Variants in MAPK10 observed in about 807,000 individuals in gnomAD.
MAPK10 encodes JNK3 alpha protein kinase.
In MAPK10, 25 loss-of-function variants were observed where a neutral mutation model predicts 59.3. The observed-to-expected ratio is 0.42, with a 90% CI of 0.31 to 0.59. The LOEUF is 0.59. Among genes scored for constraint, MAPK10 ranks in the 20% least tolerant of loss-of-function variants. The pLI, the probability that MAPK10 is intolerant of heterozygous loss-of-function variation, is 0.15. For synonymous variants in MAPK10, 190 were observed against 200.5 expected (o/e 0.95, Z 0.44); for missense variants, 351 against 568.9 (o/e 0.62, Z 3.90).
intron 1 of MAPK10, among the ~76,000 whole-genome samples, chr4:86,588,849 T>C (rs1360760961): frequency 6.6e-6 from 1 of 152,188 alleles, no homozygotes; most frequent in Non-Finnish European, 1.5e-5. Context: ...ACTCAAATGC[T>C]CTAAATAAAT....
intron 1 of MAPK10, among the ~76,000 whole-genome samples, chr4:86,490,547 A>G (rs1389008633): frequency 6.6e-6 from 1 of 152,214 alleles, no homozygotes; most frequent in Non-Finnish European, 1.5e-5. Flanking sequence ...AACAAAAACA[A>G]AAACTCCCTT....
intron 1 of MAPK10, among the ~76,000 whole-genome samples, chr4:86,447,324 C>T (rs1750164948): frequency 1.3e-5 from 2 of 152,128 alleles, no homozygotes; most frequent in Non-Finnish European, 2.9e-5. Context: ...CTTCACCTTC[C>T]ACCATGATTG....
chr4:86,103,247 G>A lies in MAPK10; in HGVS notation c.367-3C>T. On this transcript the variant is annotated splice_polypyrimidine_tract_variant and splice_region_variant and intron_variant, in intron 5 of 13. Coordinates refer to ENST00000641462, the MANE Select transcript of MAPK10 (RefSeq NM_138982.4). ...AAGACATTTAATAAACTAATAATCT[G>A]AAAGAGAGTGGAAGGGACAGAGGAA... 1 of 1,435,838 alleles carries A rather than the reference G, an allele frequency of 7.0e-7. No homozygotes were observed. The highest frequency in any genetic ancestry group is 9.8e-7 in the Non-Finnish European group (1 of 1,016,386). The allele number at this position is 1,435,838 out of a possible 1,614,324, so 88.9% of individuals were successfully genotyped here. A position where few individuals can be genotyped will look rare whatever the true frequency, so the allele number is the denominator to read the frequency against.
chr4:86,012,667 G>C lies in MAPK10; in HGVS notation c.*4561C>G, dbSNP rs972272954. On this transcript the variant is annotated 3_prime_UTR_variant, in exon 14 of 14. Transcript: ENST00000641462. ...ACAAAATAGAAAGGAAAGGGTGTGA[G>C]AAAGAACACAGAAATGACTTGAACG... 2 of 152,192 alleles carry C rather than the reference G, an allele frequency of 1.3e-5. No homozygotes were observed. The highest frequency in any genetic ancestry group is 4.8e-5 in the African/African-American group (2 of 41,450). 9.4% of individuals were successfully genotyped at this position (152,192 alleles called of 1,614,324 possible).
intron 2 of MAPK10, among the ~76,000 whole-genome samples, chr4:86,222,351 C>T (rs6811046): frequency 0.085 from 12,927 of 152,168 alleles, 1,213 homozygotes; most frequent in African/African-American, 0.23. Context: ...TGCTTACTGA[C>T]AGCACACAGC....
intron 1 of MAPK10, among the ~76,000 whole-genome samples, chr4:86,525,636 G>C (rs1433000107): frequency 6.6e-6 from 1 of 152,164 alleles, no homozygotes; most frequent in African/African-American, 2.4e-5. Flanking sequence ...TATAAAGGTT[G>C]TACAATATAA....
At chr4:86,533,082 A>T (rs1757959050) in intron 1 of MAPK10, among the ~76,000 whole-genome samples, 1 of 152,254 alleles carries the variant, frequency 6.6e-6, no homozygotes, top group African/African-American at 2.4e-5. Context: ...TACTTTAAGG[A>T]ATATAAGTAG....
intron 12 of MAPK10, among the ~76,000 whole-genome samples, chr4:86,029,984 A>G (rs960710341): frequency 6.6e-6 from 1 of 152,096 alleles, no homozygotes; most frequent in African/African-American, 2.4e-5. Context: ...CCCTTTAGCT[A>G]AAAATCATTC....
intron 11 of MAPK10, among the ~76,000 whole-genome samples, chr4:86,062,053 C>A (rs1358303275): frequency 1.3e-5 from 2 of 152,116 alleles, no homozygotes; most frequent in Non-Finnish European, 2.9e-5. Context: ...ATTCTAGCAC[C>A]TTCAGGATCT....
intron 4 of MAPK10, chr4:86,117,520 G>T (rs575372279): frequency 6.6e-6 from 1 of 152,226 alleles, no homozygotes; most frequent in African/African-American, 2.4e-5. Context: ...ACTGTGGTTT[G>T]GTTTACTGAA....
chr4:86,305,885 T>C (rs2095559124), intron 2 of MAPK10, among the ~76,000 whole-genome samples: 1 of 151,760 alleles, frequency 6.6e-6, no homozygotes, highest in South Asian at 2.1e-4. Context: ...GAGTCTATTG[T>C]AATACACTTT....
intron 4 of MAPK10, among the ~76,000 whole-genome samples, chr4:86,109,510 T>A (rs1239877752): frequency 6.6e-6 from 1 of 152,184 alleles, no homozygotes; most frequent in African/African-American, 2.4e-5. Context: ...CCTGCATTAG[T>A]TTGTTAAGAA....
chr4:86,492,573 T>A (rs1201740474), intron 1 of MAPK10, among the ~76,000 whole-genome samples: 1 of 152,192 alleles, frequency 6.6e-6, no homozygotes, highest in African/African-American at 2.4e-5. Context: ...TAGGCCTTAG[T>A]TTTCGTATTT....
rs6831576 is a variant in MAPK10 at position 86,343,167 on chromosome 4, G to A, written c.-7+11363C>T. 6.4e-3 allele frequency among the ~76,000 whole-genome samples: 976 copies of A among 152,196 alleles called. 7 individuals carry two copies. The highest frequency in any genetic ancestry group is 0.021 in the African/African-American group (864 of 41,524). ...ACTCCAGCACTATCAAAATATGTTCGCATTTCCACCCCAGTGCTGTCTTCC... is the reference window on the plus strand; with the variant it reads ...ACTCCAGCACTATCAAAATATGTTCACATTTCCACCCCAGTGCTGTCTTCC... On this transcript the variant is annotated intron_variant, in intron 2 of 13. Coordinates refer to ENST00000641462, the MANE Select transcript of MAPK10 (RefSeq NM_138982.4).
At chr4:86,585,543 A>G (rs560367246) in intron 1 of MAPK10, among the ~76,000 whole-genome samples, 2 of 152,358 alleles carry the variant, frequency 1.3e-5, no homozygotes, top group East Asian at 3.9e-4. Context: ...TGGCTAATGA[A>G]TGCATAACGG....
intron 2 of MAPK10, among the ~76,000 whole-genome samples, chr4:86,266,882 C>T (rs1360136146): frequency 6.6e-6 from 1 of 151,690 alleles, no homozygotes; most frequent in Non-Finnish European, 1.5e-5. Context: ...ATAATATTTT[C>T]TGCAAAATTA....
intron 2 of MAPK10, among the ~76,000 whole-genome samples, chr4:86,242,057 G>A (rs1489671660): frequency 6.6e-6 from 1 of 151,986 alleles, no homozygotes; most frequent in Non-Finnish European, 1.5e-5. Context: ...TGGTGGTGTT[G>A]TTATTGTCGC....
intron 1 of MAPK10, among the ~76,000 whole-genome samples, chr4:86,571,923 A>G (rs1310449587): frequency 6.6e-6 from 1 of 151,878 alleles, no homozygotes; most frequent in African/African-American, 2.4e-5. Flanking sequence ...TCAGTTTGTC[A>G]TGGTTTTTTA....
At chr4:86,055,350 T>A (rs756968233) in intron 11 of MAPK10, among the ~76,000 whole-genome samples, 2 of 149,898 alleles carry the variant, frequency 1.3e-5, no homozygotes, top group Non-Finnish European at 3.0e-5. Context: ...AATTTTTGTT[T>A]GATATTCCTA....
Sources: allele counts gnomAD v4.1 joint callset (sites outside exome capture counted in the v4.1 genomes callset), GRCh38; gene constraint gnomAD v4.1.1; transcripts MANE v1.5; gene names NCBI Gene and HGNC (gene_info 2026-07-23, HGNC 2026-07-21).